SASH1: variants seen among roughly 807,000 people sequenced by gnomAD.
SASH1 encodes SAM and SH3 domain-containing protein 1.
Under a neutral mutation model 125.2 loss-of-function variants are expected in SASH1, and 44 were observed. That is an observed-to-expected ratio of 0.35 (90% confidence interval 0.28 to 0.45). The LOEUF is 0.45. Among genes scored for constraint, SASH1 ranks in the 20% least tolerant of loss-of-function variants. SASH1 has a pLI of 1.00. For synonymous variants in SASH1, 639 were observed against 649.1 expected (o/e 0.98, Z 0.24); for missense variants, 1,426 against 1,614.5 (o/e 0.88, Z 2.00).
At chr6:148,390,729 A>C (rs1783674809) in intron 2 of SASH1, among the ~76,000 whole-genome samples, 2 of 151,600 alleles carry the variant, frequency 1.3e-5, no homozygotes, top group South Asian at 4.2e-4. Context: ...CAGAGCTTGC[A>C]GTGAGCCAAG....
the SASH1 span, among the ~76,000 whole-genome samples, chr6:148,248,600 C>A: frequency 6.6e-6 from 1 of 152,088 alleles, no homozygotes; most frequent in Non-Finnish European, 1.5e-5. Flanking sequence ...CTTAATTTTC[C>A]ACAAATTTCC....
rs561042765 is a variant in SASH1, at chr6:148,516,292, G to A, written c.862+1836G>A. On this transcript the variant is annotated intron_variant, in intron 9 of 19. Coordinates refer to ENST00000367467, the MANE Select transcript of SASH1 (RefSeq NM_015278.5). ...TGGCCAATCTCACCCATCTTCTCAG[G>A]AGAGGCCCCAGGTGTGTGTGTGTAG... 4.3e-5 allele frequency among the ~76,000 whole-genome samples: 3 copies of A among 70,154 alleles called. 1 individual carries two copies. The South Asian group carries it at 1.2e-3, about 29-fold the overall frequency. The allele number at this position is 70,154 out of a possible 152,430, so 46.0% of individuals were successfully genotyped here.
rs140629427 is a variant in SASH1, at chr6:148,538,219, A to G, written c.2096-2224A>G. On this transcript the variant is annotated intron_variant, in intron 16 of 19. Coordinates refer to ENST00000367467, the MANE Select transcript of SASH1 (RefSeq NM_015278.5). ...GTGTCTGCTGAGGCTGGGGTCCCCA[A>G]AGATGCAGGCACAGCACATACTTCC... Among the ~76,000 whole-genome samples, 249 of 152,276 alleles carry G rather than the reference A, an allele frequency of 1.6e-3. 2 individuals carry two copies. Among genetic ancestry groups the G allele is most frequent in the African/African-American group, 5.4e-3 (225 of 41,552 alleles).
intron 1 of SASH1, among the ~76,000 whole-genome samples, chr6:148,279,984 C>CA (rs34727631): frequency 0.14 from 16,678 of 116,742 alleles, 1,373 homozygotes; most frequent in East Asian, 0.34. Flanking sequence ...GACCATGTCT[C>CA]AAAAAAAAAA....
At chr6:148,322,865 A>ACCTTTCTTTCTTTCTTTCTT (rs1554234510) in intron 1 of SASH1, among the ~76,000 whole-genome samples, 1 of 143,122 alleles carries the variant, frequency 7.0e-6, no homozygotes, top group African/African-American at 2.5e-5. Flanking sequence ...CATCCAAATC[A>ACCTTTCTTTCTTTCTTTCTT]TCTTTCTTTC....
At chr6:148,500,337 T>C (rs1457788024) in intron 8 of SASH1, among the ~76,000 whole-genome samples, 3 of 152,172 alleles carry the variant, frequency 2.0e-5, no homozygotes, top group African/African-American at 7.2e-5. Flanking sequence ...TTCATTGGGA[T>C]AGCTGGACTC....
At chr6:148,511,745 T>G (rs1193542780) in intron 8 of SASH1, among the ~76,000 whole-genome samples, 4 of 152,202 alleles carry the variant, frequency 2.6e-5, no homozygotes, top group African/African-American at 9.6e-5. Flanking sequence ...TGTTTAACTA[T>G]TTTGATTTCT....
chr6:148,361,914 C>CTTTTTTTTTTTTT (rs745596285), intron 1 of SASH1, among the ~76,000 whole-genome samples: 8 of 125,514 alleles, frequency 6.4e-5, no homozygotes, highest in Admixed American at 8.6e-5. Context: ...TTTTCTTTTT[C>CTTTTTTTTTTTTT]TTTTTTTTTT....
rs34513109 is a variant in SASH1, at chr6:148,302,341, A to AAT, written n.74+29964_74+29965insAT. The stretch of plus-strand genomic sequence containing the variant: ...AAAAAAAAAAAAAAAAAAAAAAAAA[A>AAT]CTAGTAATATTATGACCTTGGTTAA... On this transcript the variant is annotated intron_variant and non_coding_transcript_variant, in intron 1 of 3. Transcript: ENST00000367469. 7.0e-3 allele frequency among the ~76,000 whole-genome samples: 729 copies of AAT among 104,422 alleles called. 208 individuals carry two copies. The highest frequency in any genetic ancestry group is 0.021 in the African/African-American group (593 of 27,648). The allele number at this position is 104,422 out of a possible 152,430, so 68.5% of individuals were successfully genotyped here.
At chr6:148,511,188 G>A (rs1175916112) in intron 8 of SASH1, among the ~76,000 whole-genome samples, 2 of 151,278 alleles carry the variant, frequency 1.3e-5, no homozygotes, top group East Asian at 1.9e-4. Flanking sequence ...ATTTCACAAC[G>A]CTTTTTTCCT....
intron 1 of SASH1, among the ~76,000 whole-genome samples, chr6:148,349,270 T>A (rs1384495194): frequency 1.5e-5 from 2 of 133,718 alleles, no homozygotes; most frequent in Non-Finnish European, 3.2e-5. Context: ...TTTTTTTTTT[T>A]TTTTTTTTTT....
intron 12 of SASH1, among the ~76,000 whole-genome samples, chr6:148,530,793 T>C (rs1333039717): frequency 2.0e-5 from 3 of 152,200 alleles, no homozygotes; most frequent in Non-Finnish European, 2.9e-5. Flanking sequence ...AATGTGCAAA[T>C]GAGGAGCCGC....
chr6:148,446,565 T>A (rs757053111), intron 4 of SASH1, among the ~76,000 whole-genome samples: 14 of 152,238 alleles, frequency 9.2e-5, no homozygotes, highest in Non-Finnish European at 1.6e-4. Context: ...TTCTTTAGTG[T>A]CATTACATTC....
chr6:148,548,298 C>T lies in SASH1; in HGVS notation c.3484C>T (p.Pro1162Ser), dbSNP rs755950938. Residue 1162 changes from proline (P) to serine (S), a missense_variant, in exon 20 of 20, where the codon CCA (proline) becomes TCA (serine). Transcript: ENST00000367467. ...QLRKQHRMAI[P>S]SGGLTEICRK... is the part of the protein sequence containing the mutation. Reference sequence around the variant, plus strand: ...TATTCTTTCTTAATTTATCCAGATTCCAAGTGGTGGACTCACGGAAATCTG... The same window carrying T: ...TATTCTTTCTTAATTTATCCAGATTTCAAGTGGTGGACTCACGGAAATCTG... 5.6e-6 allele frequency: 9 copies of T among 1,608,124 alleles called. No homozygotes were observed. Among genetic ancestry groups the T allele is most frequent in the Non-Finnish European group, 6.8e-6 (8 of 1,177,250 alleles).
chr6:148,513,761 C>T (rs557726782), intron 8 of SASH1: 4 of 985,746 alleles, frequency 4.1e-6, no homozygotes, highest in South Asian at 4.7e-5. Flanking sequence ...CCGGGAGAGG[C>T]GGAAGGGCTG....
intron 10 of SASH1, among the ~76,000 whole-genome samples, chr6:148,520,965 T>A (rs957148827): frequency 1.3e-5 from 2 of 152,188 alleles, no homozygotes; most frequent in Non-Finnish European, 2.9e-5. Flanking sequence ...TCCATGTTCT[T>A]ATCTTTATAA....
At chr6:148,482,218 A>C (rs1289808727) in intron 7 of SASH1, among the ~76,000 whole-genome samples, 1 of 152,242 alleles carries the variant, frequency 6.6e-6, no homozygotes, top group African/African-American at 2.4e-5. Flanking sequence ...CTCAGCATTG[A>C]TGAGTGATAT....
chr6:148,339,408 C>A (rs1316262686), upstream of SASH1, among the ~76,000 whole-genome samples: 2 of 151,362 alleles, frequency 1.3e-5, no homozygotes, highest in South Asian at 2.1e-4. Context: ...ATTTCCCTAT[C>A]CATTGATTAA....
rs61277112 is a variant in SASH1 at position 148,396,478 on chromosome 6, GAAAAAAAAAA to G, written c.285+6232_285+6241del. On this transcript the variant is annotated intron_variant, in intron 2 of 19. Coordinates refer to ENST00000367467, the MANE Select transcript of SASH1 (RefSeq NM_015278.5). Reference sequence around the variant, plus strand: ...GGTGCCAGAGTGAGACTGCATCTCAGAAAAAAAAAAAAAAAAAAAAAAAAAGAAAGAAAGA... The same window carrying G: ...GGTGCCAGAGTGAGACTGCATCTCAGAAAAAAAAAAAAAAAGAAAGAAAGA... 2.9e-3 allele frequency among the ~76,000 whole-genome samples: 182 copies of G among 63,816 alleles called. 2 individuals are homozygous for G. Among genetic ancestry groups the G allele is most frequent in the African/African-American group, 0.011 (168 of 15,324 alleles). 41.9% of individuals were successfully genotyped at this position (63,816 alleles called of 152,430 possible). A position where few individuals can be genotyped will look rare whatever the true frequency, so the allele number is the denominator to read the frequency against.
Sources: allele counts gnomAD v4.1 joint callset (sites outside exome capture counted in the v4.1 genomes callset), GRCh38; gene constraint gnomAD v4.1.1; transcripts MANE v1.5; gene names NCBI Gene and HGNC (gene_info 2026-07-23, HGNC 2026-07-21).